Variants in PTPRN2 observed in about 807,000 individuals in gnomAD.
The protein encoded by PTPRN2 is protein tyrosine phosphatase receptor type N2, also known as receptor-type tyrosine-protein phosphatase N2.
In PTPRN2, 74 loss-of-function variants were observed where a neutral mutation model predicts 118.8. The ratio of observed to expected loss-of-function variants is 0.62; its 90% CI spans 0.52 to 0.76. PTPRN2 has a LOEUF of 0.76. Ranked by LOEUF, PTPRN2 falls within the 30% of genes least tolerant of loss-of-function variation. The pLI is 0.00. For synonymous variants in PTPRN2, 641 were observed against 608.0 expected (o/e 1.05, Z -0.80); for missense variants, 1,481 against 1,394.4 (o/e 1.06, Z -0.99).
intron 2 of PTPRN2, among the ~76,000 whole-genome samples, chr7:158,449,254 C>T (rs2129437689): frequency 6.6e-6 from 1 of 152,330 alleles, no homozygotes; most frequent in African/African-American, 2.4e-5. Context: ...ATTCCAGGTA[C>T]ATGTCAATCC....
Position 158,138,500 on chromosome 7 carries a change from G to T in PTPRN2, c.926C>A (p.Thr309Asn). The T allele has an allele frequency of 2.5e-6, 4 of 1,611,860 alleles. No homozygotes were observed. The highest frequency in any genetic ancestry group is 1.1e-5 in the South Asian group (1 of 91,078). ...CTGCCTCTGCAGGTCCTTCAGGAGG[G>T]TATGAATCCGTGCTCCTAGGGGCAC... ...SSTGDGARIH[T>N]LLKDLQRQPA... Residue 309 changes from threonine to asparagine, a missense_variant, in exon 7 of 23, where the codon ACC becomes AAC. Coordinates refer to ENST00000389418, the MANE Select transcript of PTPRN2 (RefSeq NM_002847.5).
chr7:157,821,522 T>C (rs543371444), intron 12 of PTPRN2, among the ~76,000 whole-genome samples: 31 of 152,274 alleles, frequency 2.0e-4, no homozygotes, highest in Admixed American at 9.8e-4. Flanking sequence ...CCCAGCATGG[T>C]TGACACCAAG....
chr7:158,343,653 T>C (rs1403160080), intron 2 of PTPRN2, among the ~76,000 whole-genome samples: 1 of 145,742 alleles, frequency 6.9e-6, no homozygotes, highest in Non-Finnish European at 1.5e-5. Context: ...GCCCCATTTC[T>C]GATTTTACAC....
chr7:157,965,201 C>A (rs1457359807), intron 11 of PTPRN2, among the ~76,000 whole-genome samples: 2 of 152,198 alleles, frequency 1.3e-5, no homozygotes, highest in Non-Finnish European at 2.9e-5. Flanking sequence ...TAGTTTTTGA[C>A]TCCATATGTA....
chr7:157,667,248 T>C (rs2530409), intron 13 of PTPRN2, among the ~76,000 whole-genome samples: 10,556 of 80,026 alleles, frequency 0.13, 362 homozygotes, highest in East Asian at 0.43. Flanking sequence ...GTGTGTGCAA[T>C]GAGTACACAG....
rs193292309 is a variant in PTPRN2, at chr7:158,246,981, C to T, written c.278-41708G>A. Reference sequence around the variant, plus strand: ...CCATCTCCACGCACTTCTCATAGAGCGCATGGAGCTTCCCAGAGCAAGCGT... The same window carrying T: ...CCATCTCCACGCACTTCTCATAGAGTGCATGGAGCTTCCCAGAGCAAGCGT... On this transcript the variant is annotated intron_variant, in intron 3 of 22. Coordinates refer to ENST00000389418, the MANE Select transcript of PTPRN2 (RefSeq NM_002847.5). Among the ~76,000 whole-genome samples, 247 of 152,310 alleles carry T rather than the reference C, an allele frequency of 1.6e-3. 2 individuals are homozygous for T. Among genetic ancestry groups the T allele is most frequent in the African/African-American group, 5.7e-3 (239 of 41,572 alleles).
At chr7:158,182,479 C>T (rs191471839) in intron 5 of PTPRN2, among the ~76,000 whole-genome samples, 1 of 152,130 alleles carries the variant, frequency 6.6e-6, no homozygotes. Context: ...CACTCTCCCC[C>T]CAACCCTCAG....
intron 3 of PTPRN2, among the ~76,000 whole-genome samples, chr7:158,261,806 C>T (rs542929070): frequency 5.3e-5 from 8 of 152,326 alleles, no homozygotes; most frequent in South Asian, 4.1e-4. Flanking sequence ...CCAGGCACTA[C>T]GGACGATTTT....
At chr7:157,641,999 A>G (rs1804696523) in intron 14 of PTPRN2, among the ~76,000 whole-genome samples, 1 of 151,884 alleles carries the variant, frequency 6.6e-6, no homozygotes, top group Non-Finnish European at 1.5e-5. Context: ...CCTCCTCTGC[A>G]TGCCACCTGC....
chr7:157,746,045 T>A (rs1377962225), intron 12 of PTPRN2, among the ~76,000 whole-genome samples: 10 of 128,342 alleles, frequency 7.8e-5, no homozygotes, highest in African/African-American at 3.1e-4. Flanking sequence ...CACAGGGCCC[T>A]GAGTGTGGAG....
chr7:157,786,216 C>A (rs1182092338), intron 12 of PTPRN2, among the ~76,000 whole-genome samples: 3 of 152,228 alleles, frequency 2.0e-5, no homozygotes, highest in Non-Finnish European at 4.4e-5. Context: ...TTAACCAGGA[C>A]TAGCACCTAG....
chr7:157,896,558 C>T (rs28421225), intron 12 of PTPRN2, among the ~76,000 whole-genome samples: 93 of 127,930 alleles, frequency 7.3e-4, no homozygotes, highest in African/African-American at 2.4e-3. Context: ...GGTGCTGTCC[C>T]CCATGCTCAC....
intron 12 of PTPRN2, among the ~76,000 whole-genome samples, chr7:157,884,274 T>C (rs1297648712): frequency 1.3e-5 from 2 of 152,262 alleles, no homozygotes; most frequent in Non-Finnish European, 1.5e-5. Flanking sequence ...AATAAATGTA[T>C]GCCTTTTTGG....
In PTPRN2 at chr7:158,544,852, C is replaced by T. The variant is rs1826193500; in HGVS notation, c.112+42706G>A. Among the ~76,000 whole-genome samples, 1 of 152,208 alleles carries T rather than the reference C, an allele frequency of 6.6e-6. No individual in the cohort carries two copies. The highest frequency in any genetic ancestry group is 2.4e-5 in the African/African-American group (1 of 41,450). On this transcript the variant is annotated intron_variant, in intron 1 of 22. Transcript: ENST00000389418. The surrounding 1 kb of genome is among the most constrained non-coding windows in gnomAD (Gnocchi z 4.2). ...GTTCAAAGCCGCTGCCACCTTCTTC[C>T]CTTGCAGTTTTCTGCTAACACTTAC...
chr7:158,484,676 A>G (rs989357336), intron 2 of PTPRN2, among the ~76,000 whole-genome samples: 4 of 152,180 alleles, frequency 2.6e-5, no homozygotes, highest in Non-Finnish European at 5.9e-5. Flanking sequence ...GACATTTTGT[A>G]TAAATGAAAT....
chr7:157,980,775 T>A (rs1401265619), intron 11 of PTPRN2, among the ~76,000 whole-genome samples: 1 of 152,116 alleles, frequency 6.6e-6, no homozygotes, highest in African/African-American at 2.4e-5. Context: ...AAATAAAAGA[T>A]ACTACGTGAT....
intron 12 of PTPRN2, among the ~76,000 whole-genome samples, chr7:157,738,462 T>C (rs1800431636): frequency 6.6e-6 from 1 of 152,186 alleles, no homozygotes; most frequent in African/African-American, 2.4e-5. Flanking sequence ...TGGAGGCTCC[T>C]CTCTGATGGG....
chr7:158,258,667 C>T (rs1188553129), intron 3 of PTPRN2, among the ~76,000 whole-genome samples: 1 of 152,204 alleles, frequency 6.6e-6, no homozygotes, highest in African/African-American at 2.4e-5. Context: ...TGAAGCCTTT[C>T]CTGGAAGGTG....
At chr7:158,175,398 T>C (rs1418061670) in intron 5 of PTPRN2, among the ~76,000 whole-genome samples, 1 of 152,174 alleles carries the variant, frequency 6.6e-6, no homozygotes, top group Non-Finnish European at 1.5e-5. Flanking sequence ...TGTGCCTTTC[T>C]GTCTCGGGCC....
Sources: gnomAD v4.1 joint callset for allele counts (sites outside exome capture counted in the v4.1 genomes callset) on GRCh38, gnomAD v4.1.1 for gene constraint, Gnocchi (gnomAD v3.1) non-coding constraint, MANE v1.5 for transcripts, NCBI Gene and HGNC (gene_info 2026-07-23, HGNC 2026-07-21) for gene names.